Variants in PLEKHG6 observed in about 807,000 individuals in gnomAD.
The protein encoded by PLEKHG6 is pleckstrin homology and RhoGEF domain containing G6, also known as pleckstrin homology domain-containing family G member 6.
PLEKHG6 carries 91 observed loss-of-function variants against 97.5 expected under a neutral mutation model. That is an observed-to-expected ratio of 0.93 (90% CI 0.79 to 1.11). PLEKHG6 has a LOEUF of 1.11. PLEKHG6 is among the 50% of genes most tolerant of loss of function. The pLI, the probability that PLEKHG6 is intolerant of heterozygous loss-of-function variation, is 0.00. For missense variants in PLEKHG6, 1,044 were observed against 1,031.0 expected (o/e 1.01, Z -0.17); for synonymous variants, 466 against 425.5 (o/e 1.10, Z -1.17).
Position 6,315,467 on chromosome 12 carries a change from A to G in PLEKHG6, c.460-87A>G, listed in dbSNP as rs1203108701. On this transcript the variant is annotated intron_variant, in intron 4 of 15. Coordinates refer to ENST00000684764, the MANE Select transcript of PLEKHG6 (RefSeq NM_001384598.1). This position sits in a 1 kb window ranked among gnomAD's most constrained non-coding sequence, Gnocchi z 4.5. The stretch of plus-strand genomic sequence containing the variant: ...GTCATGCACAAAGTGCCTAGAACCT[A>G]TGAAGTGGATCCGGTCGCACTTAAC... The G allele has an allele frequency of 2.6e-5, 23 of 868,282 alleles. No homozygotes were observed. The highest frequency in any genetic ancestry group is 3.8e-5 in the Non-Finnish European group (21 of 546,486). 53.8% of individuals were successfully genotyped at this position (868,282 alleles called of 1,614,324 possible).
chr12:6,318,688 A>G, intron 11 of PLEKHG6, 57 bp from the exon 12 acceptor site: 3 of 1,583,462 alleles, frequency 1.9e-6, no homozygotes, highest in Non-Finnish European at 2.6e-6. Context: ...CTCCCGGACC[A>G]GCCCTGCCCC....
At chr12:6,323,422 C>G (rs986559052) in intron 13 of PLEKHG6, among the ~76,000 whole-genome samples, 21 of 152,168 alleles carry the variant, frequency 1.4e-4, no homozygotes, top group African/African-American at 5.1e-4. Flanking sequence ...TAGAGCAATC[C>G]CCAGGGGGCA....
chr12:6,319,620 G>A (rs1166746151), intron 13 of PLEKHG6: 2 of 1,536,000 alleles, frequency 1.3e-6, no homozygotes, highest in Non-Finnish European at 1.7e-6. Context: ...AAAAGCCTTT[G>A]GCCAGCTACT....
chr12:6,313,191 G>A, intron 2 of PLEKHG6: 2 of 1,549,888 alleles, frequency 1.3e-6, no homozygotes, highest in Non-Finnish European at 1.7e-6. Context: ...GCACATGTGA[G>A]TGCCCTCGTC....
At chr12:6,313,593 G>A in intron 2 of PLEKHG6, 36 bp from the exon 3 acceptor site, 1 of 1,611,256 alleles carries the variant, frequency 6.2e-7, no homozygotes, top group Non-Finnish European at 8.5e-7. Flanking sequence ...TGGGGAAAGG[G>A]AGGCACCCCC....
At chr12:6,323,320 T>C (rs55646668) in intron 13 of PLEKHG6, among the ~76,000 whole-genome samples, 2,718 of 152,340 alleles carry the variant, frequency 0.018, 75 homozygotes, top group African/African-American at 0.058. Flanking sequence ...TTTCCTGCTA[T>C]TGTCTCACAC....
rs935592241 is a variant in PLEKHG6, at chr12:6,316,285, C to G, written c.637C>G (p.Pro213Ala). The change falls in exon 7 of 16, where the codon CCC becomes GCC. Residue 213 changes from proline to alanine, a missense_variant. Transcript: ENST00000684764. This position sits in a 1 kb window ranked among gnomAD's most constrained non-coding sequence, Gnocchi z 4.1. ...AGCTGAGACCCTGTTTGGAAATGTC[C>G]CCAGCCTGATTCGAACCCACCGGAG... ...VSAETLFGNV[P>A]SLIRTHRSFW... is the part of the protein sequence containing the mutation. The G allele has an allele frequency of 4.4e-5, 68 of 1,554,836 alleles. No individual in the cohort carries two copies. The highest frequency in any genetic ancestry group is 5.8e-5 in the Non-Finnish European group (67 of 1,148,326).
intron 3 of PLEKHG6, among the ~76,000 whole-genome samples, chr12:6,314,317 A>G (rs907378065): frequency 2.0e-5 from 3 of 152,214 alleles, no homozygotes; most frequent in African/African-American, 7.2e-5. Flanking sequence ...AGCCTGGCCA[A>G]CATGGTGAAA....
In PLEKHG6 at chr12:6,318,343, C is replaced by G. The variant is rs371501774; in HGVS notation, c.1198C>G (p.Leu400Val). Residue 400 changes from leucine (L) to valine (V), a missense_variant, in exon 11 of 16, where the codon CTG (leucine) becomes GTG (valine). Leu to Val is a conservative substitution (Grantham distance 32, BLOSUM62 1). Transcript: ENST00000684764. Reference protein sequence around the residue: ...FSTLDLTSPMLGVASEHTRQL... With the variant: ...FSTLDLTSPMVGVASEHTRQL... The stretch of plus-strand genomic sequence containing the variant: ...CACCCTGGACCTGACGTCCCCCATG[C>G]TGGGGGTTGCATCTGAGCACACCAG... The G allele has an allele frequency of 7.4e-6, 12 of 1,613,834 alleles. No individual in the cohort carries two copies. In the African/African-American group the frequency reaches 1.5e-4, roughly 20 times the overall value.
chr12:6,314,553 T>A (rs1243235067), intron 3 of PLEKHG6, among the ~76,000 whole-genome samples: 5 of 152,096 alleles, frequency 3.3e-5, no homozygotes, highest in African/African-American at 1.2e-4. Context: ...CCATGCTGCT[T>A]CATAAAAAAT....
intron 2 of PLEKHG6, among the ~76,000 whole-genome samples, chr12:6,313,424 C>T (rs1166587490): frequency 6.6e-6 from 1 of 152,220 alleles, no homozygotes; most frequent in Non-Finnish European, 1.5e-5. Flanking sequence ...TGCCTCTGCC[C>T]ACTCAGCTTA....
chr12:6,318,091 C>T, intron 10 of PLEKHG6, 97 bp downstream of exon 10: 2 of 1,423,776 alleles, frequency 1.4e-6, no homozygotes, highest in Admixed American at 2.3e-5. Flanking sequence ...TACTTGGGTG[C>T]TACAAGGGTG....
Position 6,326,490 on chromosome 12 carries a change from C to G in PLEKHG6, c.1587C>G (p.Leu529=). 1 of 1,609,628 alleles carries G rather than the reference C, an allele frequency of 6.2e-7. No homozygotes were observed. Among genetic ancestry groups the G allele is most frequent in the South Asian group, 1.1e-5 (1 of 90,480 alleles). ...YVQQKRELLT[L]YRDQDRESPS... Reference sequence around the variant, plus strand: ...AACAGAAGAGGGAGCTCCTGACCCTCTATCGGGACCAGGACAGGGAGTCCC... The same window carrying G: ...AACAGAAGAGGGAGCTCCTGACCCTGTATCGGGACCAGGACAGGGAGTCCC... Residue 529 remains leucine, a synonymous_variant, in exon 14 of 16, where the codon CTC becomes CTG. Coordinates refer to ENST00000684764, the MANE Select transcript of PLEKHG6 (RefSeq NM_001384598.1).
rs561640321 is a variant in PLEKHG6 at position 6,323,678 on chromosome 12, G to C, written c.1525-2750G>C. ...AGGAGGCAGCCGAGGCTAAGAGCCAGGGTCTGAAGGAGAGGCCCGAGCAGC... is the reference window on the plus strand; with the variant it reads ...AGGAGGCAGCCGAGGCTAAGAGCCACGGTCTGAAGGAGAGGCCCGAGCAGC... On this transcript the variant is annotated intron_variant, in intron 13 of 15. Coordinates refer to ENST00000684764, the MANE Select transcript of PLEKHG6 (RefSeq NM_001384598.1). Among the ~76,000 whole-genome samples the C allele has an allele frequency of 2.6e-5, 4 of 152,366 alleles. No individual in the cohort carries two copies. In the South Asian group the frequency reaches 8.3e-4, roughly 32 times the overall value.
At position 6,312,225 on chromosome 12, in the gene PLEKHG6, G is replaced by C. The variant is rs1386215804; in HGVS notation, c.-2G>C. 6.7e-7 allele frequency: 1 copy of C among 1,500,262 alleles called. No individual in the cohort carries two copies. The highest frequency in any genetic ancestry group is 8.8e-7 in the Non-Finnish European group (1 of 1,130,730). 92.9% of individuals were successfully genotyped at this position (1,500,262 alleles called of 1,614,324 possible). ...CTTTGGAGGTGACCCAGGAGAGAAG[G>C]GATGAAGGCCTTTGGTCCTCCACAT... On this transcript the variant is annotated 5_prime_UTR_variant, in exon 2 of 16. Coordinates refer to ENST00000684764, the MANE Select transcript of PLEKHG6 (RefSeq NM_001384598.1).
intron 2 of PLEKHG6, 100 bp from the exon 3 acceptor site, chr12:6,313,529 G>C: frequency 5.8e-6 from 8 of 1,391,244 alleles, no homozygotes; most frequent in Admixed American, 1.9e-5. Context: ...TTACCAGGGT[G>C]GGGGAACAAC....
intron 13 of PLEKHG6, 82 bp from the exon 14 acceptor site, chr12:6,326,346 G>T: frequency 1.1e-6 from 1 of 892,488 alleles, no homozygotes; most frequent in Non-Finnish European, 1.8e-6. Context: ...GGTAATATAT[G>T]TAACGCACTT....
Position 6,315,148 on chromosome 12 carries a change from G to A in PLEKHG6, c.438G>A (p.Arg146=), listed in dbSNP as rs776396753. 2 of 1,611,116 alleles carry A rather than the reference G, an allele frequency of 1.2e-6. No individual in the cohort carries two copies. The highest frequency in any genetic ancestry group is 1.7e-5 in the Admixed American group (1 of 59,822). The change falls in exon 4 of 16, where the codon AGG becomes AGA. Residue 146 remains arginine, a synonymous_variant. Coordinates refer to ENST00000684764, the MANE Select transcript of PLEKHG6 (RefSeq NM_001384598.1). This position sits in a 1 kb window ranked among gnomAD's most constrained non-coding sequence, Gnocchi z 4.5. ...GCCTGACCATCGAGAAGTCCTGGAG[G>A]GAGCTGGTGCCTGGGCACAAGGTGA... The part of the protein sequence containing the change: ...DSGLTIEKSW[R]ELVPGHKEMS...
At position 6,318,270 on chromosome 12, in the gene PLEKHG6, C is replaced by T. The variant is rs751342447; in HGVS notation, c.1156-31C>T. The T allele has an allele frequency of 2.2e-5, 35 of 1,612,848 alleles. No individual in the cohort carries two copies. In the East Asian group the frequency reaches 3.1e-4, roughly 14 times the overall value. On this transcript the variant is annotated intron_variant, in intron 10 of 15. Transcript: ENST00000684764. ...CAGGAAGTCCAGGCAGACTGCCGAG[C>T]GCCCTGACCCCTCCCCTCTGTGTCC...
Sources: allele counts gnomAD v4.1 joint callset (sites outside exome capture counted in the v4.1 genomes callset), GRCh38; gene constraint gnomAD v4.1.1; non-coding constraint Gnocchi (gnomAD v3.1); transcripts MANE v1.5; gene names NCBI Gene and HGNC (gene_info 2026-07-23, HGNC 2026-07-21).